Variants in YES1 observed in about 807,000 individuals in gnomAD.
YES1 encodes tyrosine-protein kinase Yes.
In YES1, 39 loss-of-function variants were observed where a neutral mutation model predicts 70.4. That is an observed-to-expected ratio of 0.55 (90% CI 0.43 to 0.72). The LOEUF (loss-of-function observed/expected upper bound fraction) is 0.72, where lower values mean the gene tolerates loss of function less well. YES1 is among the 30% of genes least tolerant of loss of function. The pLI, the probability that YES1 is intolerant of heterozygous loss-of-function variation, is 0.00. For missense variants in YES1, 495 were observed against 644.8 expected, an observed-to-expected ratio of 0.77 and a Z score of 2.52; for synonymous variants, 198 against 218.6, an observed-to-expected ratio of 0.91 and a Z score of 0.83.
At chr18:751,881 A>C in intron 2 of YES1, 77 bp from the exon 3 acceptor site, 1 of 225,098 alleles carries the variant, frequency 4.4e-6, no homozygotes. Context: ...ATTGCCAGCC[A>C]AAAAAAAAAA....
At chr18:742,878 CATT>C (rs2080231463) in intron 8 of YES1, 37 bp downstream of exon 8, 2 of 1,487,838 alleles carry the variant, frequency 1.3e-6, no homozygotes, top group South Asian at 1.4e-5. Context: ...CTCTTAAAAA[CATT>C]ATCAACACAA....
chr18:726,340 G>T (rs1430952680), intron 11 of YES1, among the ~76,000 whole-genome samples: 2 of 149,234 alleles, frequency 1.3e-5, no homozygotes, highest in African/African-American at 2.5e-5. Context: ...CAGGAGAATC[G>T]CTTGAACCTG....
At chr18:743,173 T>G in intron 7 of YES1, 76 bp from the exon 8 acceptor site, 1 of 1,550,706 alleles carries the variant, frequency 6.4e-7, no homozygotes, top group Non-Finnish European at 8.7e-7. Flanking sequence ...GCACTTCTCT[T>G]AAATATTGAA....
At chr18:801,505 GCTAT>G (rs1020674615) in intron 1 of YES1, among the ~76,000 whole-genome samples, 1 of 152,136 alleles carries the variant, frequency 6.6e-6, no homozygotes, top group African/African-American at 2.4e-5. Context: ...TTAGAAAATG[GCTAT>G]CTTTCTGCAA....
In YES1 at chr18:722,246, G is replaced by A. The variant is rs2079960619; in HGVS notation, c.*2178C>T. The A allele has an allele frequency of 6.6e-6, 1 of 152,566 alleles. No individual in the cohort carries two copies. Among genetic ancestry groups the A allele is most frequent in the African/African-American group, 2.4e-5 (1 of 41,434 alleles). The allele number at this position is 152,566 out of a possible 1,614,324, so 9.5% of individuals were successfully genotyped here. ...TTGTTGATAAGAGGAAATAATGACA[G>A]CACTCTTCTTAGGAAGACCCTCTTG... On this transcript the variant is annotated 3_prime_UTR_variant, in exon 12 of 12. Transcript: ENST00000314574.
intron 6 of YES1, among the ~76,000 whole-genome samples, chr18:745,101 C>G (rs928061257): frequency 6.6e-6 from 1 of 152,114 alleles, no homozygotes; most frequent in Non-Finnish European, 1.5e-5. Context: ...ACCATGGAAA[C>G]ATCCCCTCTC....
chr18:789,992 A>G (rs1055308518), intron 1 of YES1, among the ~76,000 whole-genome samples: 2 of 152,130 alleles, frequency 1.3e-5, no homozygotes, highest in Non-Finnish European at 2.9e-5. Flanking sequence ...AGGGAGGTTG[A>G]GGATGCAGTG....
At chr18:788,285 C>G (rs1057375240) in intron 1 of YES1, among the ~76,000 whole-genome samples, 1 of 152,000 alleles carries the variant, frequency 6.6e-6, no homozygotes. Flanking sequence ...ACATGGGGAG[C>G]CTTTTAGCGT....
chr18:786,496 T>TACACACACACACACAC lies in YES1; in HGVS notation c.-9+25602_-9+25617dup, dbSNP rs56410052. Among the ~76,000 whole-genome samples, 116 of 139,528 alleles carry TACACACACACACACAC rather than the reference T, an allele frequency of 8.3e-4. 2 individuals carry two copies. The East Asian group carries it at 0.012, about 14-fold the overall frequency. 91.5% of individuals were successfully genotyped at this position (139,528 alleles called of 152,430 possible). A position where few individuals can be genotyped will look rare whatever the true frequency, so the allele number is the denominator to read the frequency against. ...ATAAACATCATCATTAATAAGTCCA[T>TACACACACACACACAC]ACACACACACACACACACACACACA... is the stretch of plus-strand genomic sequence containing the variant. On this transcript the variant is annotated intron_variant, in intron 1 of 11. Transcript: ENST00000314574.
chr18:751,880 CAAA>C (rs34440107), intron 2 of YES1, 76 bp from the exon 3 acceptor site: 59 of 688,682 alleles, frequency 8.6e-5, no homozygotes, highest in East Asian at 2.1e-4. Flanking sequence ...TATTGCCAGC[CAAA>C]AAAAAAAAAG....
chr18:749,060 C>T (rs1248478697), intron 3 of YES1, among the ~76,000 whole-genome samples: 1 of 152,118 alleles, frequency 6.6e-6, no homozygotes, highest in Non-Finnish European at 1.5e-5. Flanking sequence ...ACTTGGGAGG[C>T]TAAGTCAGTA....
chr18:748,360 C>CTT (rs11372019), intron 3 of YES1, among the ~76,000 whole-genome samples: 20,485 of 144,392 alleles, frequency 0.14, 1,466 homozygotes, highest in Middle Eastern at 0.17. Context: ...GTATTCTTTT[C>CTT]TTTTTTTTTT....
intron 8 of YES1, 74 bp from the exon 9 acceptor site, chr18:739,885 C>T (rs950437561): frequency 1.8e-6 from 2 of 1,124,782 alleles, no homozygotes; most frequent in Admixed American, 5.3e-5. Context: ...ACTCCTCCAC[C>T]CCAAATCACA....
intron 1 of YES1, among the ~76,000 whole-genome samples, chr18:780,274 G>A (rs1232758853): frequency 6.6e-6 from 1 of 152,108 alleles, no homozygotes; most frequent in Admixed American, 6.6e-5. Flanking sequence ...CAGTGTGGCA[G>A]TATTGAAAGG....
chr18:773,118 A>C (rs1905229116), intron 1 of YES1, among the ~76,000 whole-genome samples: 2 of 152,244 alleles, frequency 1.3e-5, no homozygotes, highest in Non-Finnish European at 2.9e-5. Flanking sequence ...GTAGAAATAC[A>C]CATTTTAGCA....
intron 6 of YES1, among the ~76,000 whole-genome samples, chr18:743,918 A>AAAT (rs1555684333): frequency 4.2e-4 from 62 of 146,740 alleles, no homozygotes; most frequent in African/African-American, 1.5e-3. Flanking sequence ...AAAAAAAAAA[A>AAAT]ATATATATAT....
chr18:731,312 AGAT>A (rs1294935334), intron 11 of YES1, among the ~76,000 whole-genome samples: 1 of 152,228 alleles, frequency 6.6e-6, no homozygotes, highest in Non-Finnish European at 1.5e-5. Context: ...ATGTGTATTA[AGAT>A]GACAATGAGT....
intron 1 of YES1, among the ~76,000 whole-genome samples, chr18:762,720 A>G (rs1430310001): frequency 6.6e-6 from 1 of 152,186 alleles, no homozygotes; most frequent in African/African-American, 2.4e-5. Flanking sequence ...TAATTCATCC[A>G]TTTAACCGAA....
chr18:795,535 A>C (rs1167836009), intron 1 of YES1, among the ~76,000 whole-genome samples: 1 of 152,202 alleles, frequency 6.6e-6, no homozygotes, highest in African/African-American at 2.4e-5. Flanking sequence ...CTGGATAAAG[A>C]AAATGTGGCA....
Sources: gnomAD v4.1 joint callset for allele counts (sites outside exome capture counted in the v4.1 genomes callset) on GRCh38, gnomAD v4.1.1 for gene constraint, MANE v1.5 for transcripts, NCBI Gene and HGNC (gene_info 2026-07-23, HGNC 2026-07-21) for gene names.